HPSE2: variants seen among roughly 807,000 people sequenced by gnomAD.
HPSE2 encodes heparanase 2 (inactive), also known as inactive heparanase-2.
HPSE2 carries 38 observed loss-of-function variants against 60.5 expected under a neutral mutation model. The ratio of observed to expected loss-of-function variants is 0.63; its 90% CI spans 0.48 to 0.82. The LOEUF is 0.82. Ranked by LOEUF, HPSE2 falls within the 40% of genes least tolerant of loss-of-function variation. The pLI is 0.00. For synonymous variants in HPSE2, 295 were observed against 293.2 expected (o/e 1.01, Z -0.06); for missense variants, 713 against 740.4 (o/e 0.96, Z 0.43).
At chr10:98,491,051 A>G (rs904280586) in intron 9 of HPSE2, among the ~76,000 whole-genome samples, 1 of 152,208 alleles carries the variant, frequency 6.6e-6, no homozygotes, top group African/African-American at 2.4e-5. Context: ...AACTCACTGT[A>G]TAAAACAGGG....
At chr10:99,177,535 A>G (rs1410707730) in intron 2 of HPSE2, among the ~76,000 whole-genome samples, 1 of 152,226 alleles carries the variant, frequency 6.6e-6, no homozygotes, top group East Asian at 1.9e-4. Flanking sequence ...AGGGCATTAT[A>G]TAATGGTAAA....
intron 6 of HPSE2, among the ~76,000 whole-genome samples, chr10:98,685,287 G>C (rs1007260671): frequency 6.6e-6 from 1 of 152,054 alleles, no homozygotes; most frequent in Admixed American, 6.6e-5. Context: ...TTTTACATAT[G>C]ATGAGATACA....
At chr10:98,756,887 T>C (rs1020110675) in intron 3 of HPSE2, among the ~76,000 whole-genome samples, 3 of 152,052 alleles carry the variant, frequency 2.0e-5, no homozygotes, top group African/African-American at 7.2e-5. Flanking sequence ...AAAGGAAACT[T>C]TAGGCCAATG....
chr10:98,645,607 A>G (rs1455997729), intron 6 of HPSE2, among the ~76,000 whole-genome samples: 2 of 152,196 alleles, frequency 1.3e-5, no homozygotes, highest in East Asian at 1.9e-4. Flanking sequence ...ACTTAAACCC[A>G]CATTTATATT....
At chr10:98,804,134 A>G (rs909944762) in intron 3 of HPSE2, among the ~76,000 whole-genome samples, 6 of 152,018 alleles carry the variant, frequency 3.9e-5, no homozygotes, top group African/African-American at 9.7e-5. Flanking sequence ...ATCTGTTATT[A>G]GTGTATAAGA....
chr10:99,235,887 T>C (rs12785073), upstream of HPSE2: 17 of 1,152,368 alleles, frequency 1.5e-5, no homozygotes, highest in Non-Finnish European at 2.2e-5. Flanking sequence ...TCTGTCCGCC[T>C]TTTTCCCCCC....
chr10:99,023,795 C>T (rs937163441), intron 3 of HPSE2, among the ~76,000 whole-genome samples: 2 of 152,198 alleles, frequency 1.3e-5, no homozygotes, highest in African/African-American at 4.8e-5. Flanking sequence ...GTTTGGGGTG[C>T]CCCCAAAAGC....
At chr10:98,473,834 T>C (rs892097652) in intron 11 of HPSE2, among the ~76,000 whole-genome samples, 1 of 152,212 alleles carries the variant, frequency 6.6e-6, no homozygotes, top group African/African-American at 2.4e-5. Context: ...TGTCTAGTCC[T>C]AGCATGAGCC....
At chr10:99,174,763 G>T (rs1294482144) in intron 2 of HPSE2, among the ~76,000 whole-genome samples, 1 of 152,164 alleles carries the variant, frequency 6.6e-6, no homozygotes, top group Non-Finnish European at 1.5e-5. Flanking sequence ...AAATTAAAAA[G>T]AAGCCATTAG....
chr10:98,662,011 C>T (rs1176400830), intron 6 of HPSE2, among the ~76,000 whole-genome samples: 1 of 152,220 alleles, frequency 6.6e-6, no homozygotes, highest in African/African-American at 2.4e-5. Context: ...TCCCCTGCCT[C>T]AGCCTCCTGA....
chr10:98,746,772 G>A (rs931967169), intron 3 of HPSE2, among the ~76,000 whole-genome samples: 2 of 151,102 alleles, frequency 1.3e-5, no homozygotes, highest in Admixed American at 6.6e-5. Context: ...ACTTGTATAA[G>A]ATACAAAAAA....
intron 3 of HPSE2, among the ~76,000 whole-genome samples, chr10:98,864,801 A>G (rs1952548324): frequency 6.6e-6 from 1 of 152,158 alleles, no homozygotes; most frequent in African/African-American, 2.4e-5. Flanking sequence ...CTGGCTTGGT[A>G]TAGAATAATC....
chr10:98,914,319 G>A (rs1024005959), intron 3 of HPSE2, among the ~76,000 whole-genome samples: 11 of 152,058 alleles, frequency 7.2e-5, no homozygotes, highest in Non-Finnish European at 1.0e-4. Flanking sequence ...CCCCAGCCAG[G>A]TGGAACTGTA....
Position 98,723,966 on chromosome 10 carries a change from C to T in HPSE2, c.785-2138G>A, listed in dbSNP as rs539357157. On this transcript the variant is annotated intron_variant, in intron 4 of 11. Transcript: ENST00000370552. ...GGGTTTTTTGTGTCTCTATTTCCTT[C>T]AGTTCTGCTTTGATCTTAGTTATTT... is the stretch of plus-strand genomic sequence containing the variant. Among the ~76,000 whole-genome samples the T allele has an allele frequency of 5.4e-4, 82 of 152,280 alleles. 2 individuals are homozygous for T. The highest frequency in any genetic ancestry group is 5.4e-3 in the Admixed American group (82 of 15,282).
At chr10:99,036,983 T>C (rs1213067476) in intron 3 of HPSE2, among the ~76,000 whole-genome samples, 1 of 152,106 alleles carries the variant, frequency 6.6e-6, no homozygotes, top group African/African-American at 2.4e-5. Flanking sequence ...AAGAGCAAGA[T>C]TAGTATCACT....
chr10:98,660,517 A>T (rs1947193880), intron 6 of HPSE2, among the ~76,000 whole-genome samples: 1 of 152,212 alleles, frequency 6.6e-6, no homozygotes, highest in Non-Finnish European at 1.5e-5. Flanking sequence ...GTAGATTTTA[A>T]AAGGTGCCCC....
intron 3 of HPSE2, among the ~76,000 whole-genome samples, chr10:98,955,943 C>T (rs1235825607): frequency 6.6e-6 from 1 of 151,994 alleles, no homozygotes; most frequent in East Asian, 1.9e-4. Flanking sequence ...ACAACACACA[C>T]CAGGGCCTCT....
intron 7 of HPSE2, among the ~76,000 whole-genome samples, chr10:98,632,004 G>C (rs1327399991): frequency 6.6e-6 from 1 of 152,122 alleles, no homozygotes; most frequent in Admixed American, 6.5e-5. Flanking sequence ...ATTCTCCTTT[G>C]AAAGCCTTCC....
At chr10:98,655,309 C>T (rs1009243646) in intron 6 of HPSE2, among the ~76,000 whole-genome samples, 60 of 151,902 alleles carry the variant, frequency 3.9e-4, no homozygotes, top group Non-Finnish European at 7.7e-4. Flanking sequence ...ACTAGGAAAC[C>T]TTTTTTGGAT....
Sources: gnomAD v4.1 joint callset for allele counts (sites outside exome capture counted in the v4.1 genomes callset) on GRCh38, gnomAD v4.1.1 for gene constraint, MANE v1.5 for transcripts, NCBI Gene and HGNC (gene_info 2026-07-23, HGNC 2026-07-21) for gene names.